The following ZNF782 variants were observed in gnomAD, a reference collection of about 807,000 sequenced individuals.
ZNF782 encodes zinc finger protein 782.
A neutral mutation model predicts 13.0 loss-of-function variants in ZNF782; 12 were observed. The observed-to-expected ratio is 0.92, with a 90% confidence interval of 0.59 to 1.50. ZNF782 has a LOEUF of 1.50. ZNF782 is among the 40% of genes most tolerant of loss of function. The pLI is 0.00. For missense variants in ZNF782, 770 were observed against 822.9 expected, an observed-to-expected ratio of 0.94 and a Z score of 0.79; for synonymous variants, 284 against 283.0, an observed-to-expected ratio of 1.00 and a Z score of -0.04.
At chr9:96,874,006 A>AT (rs951002749) in intron 1 of ZNF782, among the ~76,000 whole-genome samples, 5 of 152,212 alleles carry the variant, frequency 3.3e-5, no homozygotes, top group African/African-American at 9.6e-5. Context: ...ATTTACTTTC[A>AT]TTTTTAGGGT....
intron 4 of ZNF782, among the ~76,000 whole-genome samples, chr9:96,844,379 T>C (rs562200058): frequency 1.2e-4 from 19 of 152,182 alleles, no homozygotes; most frequent in East Asian, 5.8e-4. Context: ...TAAATTGCAG[T>C]ATATACCCAC....
At chr9:96,868,820 C>CA (rs1474824399) in intron 1 of ZNF782, among the ~76,000 whole-genome samples, 2 of 152,132 alleles carry the variant, frequency 1.3e-5, no homozygotes, top group African/African-American at 4.8e-5. Flanking sequence ...ACATTTCTTA[C>CA]ATGAGAATAA....
intron 5 of ZNF782, among the ~76,000 whole-genome samples, chr9:96,822,065 A>G (rs1254746899): frequency 6.6e-6 from 1 of 152,116 alleles, no homozygotes; most frequent in Non-Finnish European, 1.5e-5. Context: ...TCTCTCTGTA[A>G]TTTATATGAA....
the ZNF782 span, among the ~76,000 whole-genome samples, chr9:96,882,364 G>A: frequency 2.5e-3 from 381 of 152,110 alleles, 1 homozygote; most frequent in African/African-American, 8.4e-3. Context: ...AGTACATTTC[G>A]CATTATTTCC....
chr9:96,885,593 T>C, the ZNF782 span, among the ~76,000 whole-genome samples: 1 of 152,128 alleles, frequency 6.6e-6, no homozygotes, highest in Non-Finnish European at 1.5e-5. Context: ...AAGGCTGAAA[T>C]GTCTCAAATT....
chr9:96,848,653 A>G (rs1471039409), intron 3 of ZNF782, among the ~76,000 whole-genome samples: 1 of 152,222 alleles, frequency 6.6e-6, no homozygotes, highest in Non-Finnish European at 1.5e-5. Flanking sequence ...CAAGAACTAC[A>G]TAACACTGCT....
the ZNF782 span, among the ~76,000 whole-genome samples, chr9:96,919,838 G>A: frequency 1.2e-4 from 18 of 151,056 alleles, no homozygotes; most frequent in Middle Eastern, 3.4e-3. Context: ...GAGATCACAG[G>A]CATGCGCCAC....
chr9:96,819,362 T>A lies in ZNF782; in HGVS notation c.661A>T (p.Arg221Ter). The change falls in exon 6 of 6, where the codon AGA becomes TGA. Residue 221 changes from arginine (R) to a stop codon, truncating the protein, a stop_gained. Coordinates refer to ENST00000481138, the MANE Select transcript of ZNF782 (RefSeq NM_001001662.3). LOFTEE classifies it low-confidence loss of function (END_TRUNC). Reference sequence around the variant, plus strand: ...GCAGCCTTTTCAAGAAAAGCTTTTCTACTTTCATTATATTCAAAATCTTGC... The same window carrying A: ...GCAGCCTTTTCAAGAAAAGCTTTTCAACTTTCATTATATTCAAAATCTTGC... ...LGQDFEYNES[R>*]KAFLEKAALV... 1 of 1,601,508 alleles carries A rather than the reference T, an allele frequency of 6.2e-7. No individual in the cohort carries two copies. The highest frequency in any genetic ancestry group is 8.5e-7 in the Non-Finnish European group (1 of 1,175,404).
Position 96,818,571 on chromosome 9 carries a change from C to T in ZNF782, c.1452G>A (p.Gly484=). 1.2e-6 allele frequency: 2 copies of T among 1,613,216 alleles called. No homozygotes were observed. The highest frequency in any genetic ancestry group is 2.2e-5 in the South Asian group (2 of 90,990). The part of the protein sequence containing the change: ...GEKPFECNEC[G]KSFSHMSGLR... ...GGCCTGACATATGGCTGAAAGATTTCCCGCATTCATTACATTCAAAAGGTT... is the reference window on the plus strand; with the variant it reads ...GGCCTGACATATGGCTGAAAGATTTTCCGCATTCATTACATTCAAAAGGTT... Residue 484 remains glycine, a synonymous_variant, in exon 6 of 6, where the codon GGG becomes GGA. Coordinates refer to ENST00000481138, the MANE Select transcript of ZNF782 (RefSeq NM_001001662.3).
At chr9:96,901,034 C>T in the ZNF782 span, among the ~76,000 whole-genome samples, 17 of 149,100 alleles carry the variant, frequency 1.1e-4, no homozygotes, top group African/African-American at 3.8e-4. Context: ...GTGGTGTGCG[C>T]CTGTAATCCC....
At chr9:96,819,878 T>C (rs1850350002) in intron 5 of ZNF782, 100 bp from the exon 6 acceptor site, 13 of 960,512 alleles carry the variant, frequency 1.4e-5, no homozygotes, top group Non-Finnish European at 1.8e-5. Flanking sequence ...ATTTGATTCC[T>C]TAGTTTCTGG....
At chr9:96,881,048 T>G in the ZNF782 span, among the ~76,000 whole-genome samples, 10 of 152,180 alleles carry the variant, frequency 6.6e-5, no homozygotes, top group African/African-American at 2.4e-4. Context: ...TATTGAATTT[T>G]GGATAGACTT....
the ZNF782 span, among the ~76,000 whole-genome samples, chr9:96,926,411 G>T: frequency 3.3e-5 from 5 of 152,272 alleles, no homozygotes; most frequent in Non-Finnish European, 4.4e-5. Context: ...AGTTTACCAT[G>T]ATTTTGCTTG....
At chr9:96,884,526 A>G in the ZNF782 span, among the ~76,000 whole-genome samples, 1 of 152,192 alleles carries the variant, frequency 6.6e-6, no homozygotes, top group South Asian at 2.1e-4. Context: ...AGGTGGTGTG[A>G]GTCAGCCTTC....
chr9:96,902,113 C>T, the ZNF782 span, among the ~76,000 whole-genome samples: 7 of 151,960 alleles, frequency 4.6e-5, no homozygotes, highest in South Asian at 2.1e-4. Context: ...TTTAGGAGAA[C>T]GGTCTATGAG....
chr9:96,897,134 A>T, the ZNF782 span, among the ~76,000 whole-genome samples: 1 of 152,244 alleles, frequency 6.6e-6, no homozygotes, highest in South Asian at 2.1e-4. Context: ...CCTGGGCCAC[A>T]TGGGTCTCCC....
intron 3 of ZNF782, among the ~76,000 whole-genome samples, chr9:96,851,262 G>A (rs1445446620): frequency 6.6e-6 from 1 of 151,842 alleles, no homozygotes; most frequent in Non-Finnish European, 1.5e-5. Flanking sequence ...TATTGAAAAA[G>A]TACAACTCCA....
chr9:96,827,139 T>C lies in ZNF782; in HGVS notation c.185A>G (p.Gln62Arg), dbSNP rs1255084478. Residue 62 changes from glutamine to arginine, a missense_variant, in exon 5 of 6, where the codon CAA becomes CGA. By Grantham distance (43) the Gln-to-Arg change is conservative. Transcript: ENST00000481138. ...TKPELIFTLE[Q>R]GEDPWLLEKE... Reference sequence around the variant, plus strand: ...CTCTAATAACCATGGATCTTCTCCTTGTTCCAATGTGAAGATCAGTTCTGG... The same window carrying C: ...CTCTAATAACCATGGATCTTCTCCTCGTTCCAATGTGAAGATCAGTTCTGG... 6.2e-7 allele frequency: 1 copy of C among 1,612,830 alleles called. No individual in the cohort carries two copies. The highest frequency in any genetic ancestry group is 1.3e-5 in the African/African-American group (1 of 75,006).
intron 4 of ZNF782, among the ~76,000 whole-genome samples, chr9:96,835,932 G>C (rs1850979126): frequency 6.6e-6 from 1 of 152,132 alleles, no homozygotes; most frequent in Admixed American, 6.5e-5. Flanking sequence ...CCACTGCTAG[G>C]ACCCCAAAAT....
Sources: gnomAD v4.1 joint callset for allele counts (sites outside exome capture counted in the v4.1 genomes callset) on GRCh38, gnomAD v4.1.1 for gene constraint, MANE v1.5 for transcripts, NCBI Gene and HGNC (gene_info 2026-07-23, HGNC 2026-07-21) for gene names.